PCDHGA3: variants seen among roughly 807,000 people sequenced by gnomAD.
The protein encoded by PCDHGA3 is protocadherin gamma-A3.
In PCDHGA3, 40 loss-of-function variants were observed where a neutral mutation model predicts 58.5. The ratio of observed to expected loss-of-function variants is 0.68; its 90% CI spans 0.53 to 0.89. PCDHGA3 has a LOEUF of 0.89. PCDHGA3 is among the 40% of genes least tolerant of loss of function. PCDHGA3 has a pLI of 0.00. For missense variants in PCDHGA3, 1,223 were observed against 1,195.9 expected, an observed-to-expected ratio of 1.02 and a Z score of -0.33; for synonymous variants, 530 against 525.7, an observed-to-expected ratio of 1.01 and a Z score of -0.11.
intron 1 of PCDHGA3, among the ~76,000 whole-genome samples, chr5:141,472,980 CAAAAA>C (rs60579131): frequency 1.2e-5 from 1 of 86,106 alleles, no homozygotes; most frequent in African/African-American, 3.9e-5. Flanking sequence ...GAGTGAAACT[CAAAAA>C]AAAAAAAAAA....
intron 1 of PCDHGA3, among the ~76,000 whole-genome samples, chr5:141,470,483 G>T (rs1163257164): frequency 6.6e-6 from 1 of 152,112 alleles, no homozygotes; most frequent in African/African-American, 2.4e-5. Context: ...CTAACCCTCT[G>T]GGAATAATAT....
At chr5:141,350,345 CA>C in intron 1 of PCDHGA3, 1 of 1,556,754 alleles carries the variant, frequency 6.4e-7, no homozygotes, top group African/African-American at 1.4e-5. Flanking sequence ...GGCCATCTCC[CA>C]GCAGATCCGA....
chr5:141,495,028 G>C, intron 2 of PCDHGA3, 163 bp downstream of exon 2: 3 of 966,196 alleles, frequency 3.1e-6, no homozygotes, highest in Non-Finnish European at 3.7e-6. Flanking sequence ...CACAGACCCC[G>C]GAAGGAAGAG....
intron 2 of PCDHGA3, among the ~76,000 whole-genome samples, chr5:141,497,642 C>T (rs1426920174): frequency 1.3e-5 from 2 of 151,352 alleles, no homozygotes; most frequent in Middle Eastern, 3.4e-3. Context: ...CAGGTTCAAG[C>T]GATTCTCCTG....
chr5:141,359,669 G>A (rs1417596414), intron 1 of PCDHGA3, among the ~76,000 whole-genome samples: 1 of 151,966 alleles, frequency 6.6e-6, no homozygotes, highest in Non-Finnish European at 1.5e-5. Flanking sequence ...ATAAAAATCC[G>A]TTGCCCTATA....
At chr5:141,422,420 C>A in intron 1 of PCDHGA3, 2 of 1,607,576 alleles carry the variant, frequency 1.2e-6, no homozygotes, top group Non-Finnish European at 1.7e-6. Context: ...TTAGAAAAGA[C>A]TTATGGAAAT....
intron 1 of PCDHGA3, chr5:141,370,692 T>G: frequency 6.2e-7 from 1 of 1,613,730 alleles, no homozygotes; most frequent in Non-Finnish European, 8.5e-7. Context: ...TGGCAAGAAG[T>G]CGACGTGTGT....
chr5:141,351,176 G>A (rs1758664342), intron 1 of PCDHGA3: 1 of 1,613,934 alleles, frequency 6.2e-7, no homozygotes, highest in Non-Finnish European at 8.5e-7. Context: ...ATTGGATTTT[G>A]AAGAGACAAG....
intron 1 of PCDHGA3, chr5:141,428,153 CT>C (rs2097116745): frequency 6.3e-7 from 1 of 1,581,370 alleles, no homozygotes; most frequent in Admixed American, 1.7e-5. Flanking sequence ...ACACGGGAAC[CT>C]GCTGGTTGCT....
rs780395794 is a variant in PCDHGA3, at chr5:141,489,685, G to A, written c.2425-5122G>A. ...GCGCATCTCAGAATCAGCAGCATCT[G>A]GGGCACGATTCCCACTGGACAGTGC... On this transcript the variant is annotated intron_variant, in intron 1 of 3. Coordinates refer to ENST00000253812, the MANE Select transcript of PCDHGA3 (RefSeq NM_018916.4). The surrounding 1 kb of genome is among the most constrained non-coding windows in gnomAD (Gnocchi z 4.5). 10 of 1,614,142 alleles carry A rather than the reference G, an allele frequency of 6.2e-6. No individual in the cohort carries two copies. The South Asian group carries it at 1.1e-4, about 18-fold the overall frequency.
chr5:141,355,171 A>G (rs1759739774), intron 1 of PCDHGA3: 1 of 1,572,286 alleles, frequency 6.4e-7, no homozygotes, highest in East Asian at 2.2e-5. Flanking sequence ...GGGAAAACCG[A>G]AGCACAGGCG....
At chr5:141,408,213 G>A in intron 1 of PCDHGA3, 1 of 1,554,970 alleles carries the variant, frequency 6.4e-7, no homozygotes, top group South Asian at 1.2e-5. Flanking sequence ...ATGGGAGGGA[G>A]CTGCGCGCAG....
chr5:141,389,205 G>A, intron 1 of PCDHGA3: 1 of 1,614,040 alleles, frequency 6.2e-7, no homozygotes, highest in Non-Finnish European at 8.5e-7. Flanking sequence ...CCTGCACATT[G>A]GTGATGTAAA....
At chr5:141,421,825 AG>A in intron 1 of PCDHGA3, 1 of 1,613,802 alleles carries the variant, frequency 6.2e-7, no homozygotes. Flanking sequence ...ACTGGAGGGA[AG>A]CCTGGACCGA....
rs748873655 is a variant in PCDHGA3 at position 141,410,002 on chromosome 5, C to A, written c.2424+63545C>A. The A allele has an allele frequency of 1.1e-5, 18 of 1,613,250 alleles. No individual in the cohort carries two copies. Among genetic ancestry groups the A allele is most frequent in the Middle Eastern group, 1.7e-4 (1 of 6,056 alleles). On this transcript the variant is annotated intron_variant, in intron 1 of 3. Coordinates refer to ENST00000253812, the MANE Select transcript of PCDHGA3 (RefSeq NM_018916.4). ...TAGCGGTGGACGCCGACTCGGGACA[C>A]AACGCCTGGCTGTCCTACCACGTGC...
rs563057370 is a variant in PCDHGA3 at position 141,491,297 on chromosome 5, A to G, written c.2425-3510A>G. 1.2e-6 allele frequency: 2 copies of G among 1,614,106 alleles called. No homozygotes were observed. Among genetic ancestry groups the G allele is most frequent in the African/African-American group, 2.7e-5 (2 of 75,038 alleles). On this transcript the variant is annotated intron_variant, in intron 1 of 3. Transcript: ENST00000253812. This position sits in a 1 kb window ranked among gnomAD's most constrained non-coding sequence, Gnocchi z 6.9. The stretch of plus-strand genomic sequence containing the variant: ...AGTGACTTCCTCATACACCCTCCTG[A>G]GCGTTCAGACCTTACCCTTTACCTC...
intron 1 of PCDHGA3, chr5:141,367,429 C>T (rs1303829786): frequency 6.6e-6 from 1 of 152,054 alleles, no homozygotes; most frequent in Non-Finnish European, 1.5e-5. Context: ...CCCAGCTACT[C>T]GGAAGGCTGA....
At chr5:141,430,680 C>G (rs990086941) in intron 1 of PCDHGA3, 8 of 1,343,124 alleles carry the variant, frequency 6.0e-6, no homozygotes, top group Non-Finnish European at 8.0e-6. Context: ...TCCCAACTGT[C>G]CCATTCTATG....
intron 1 of PCDHGA3, among the ~76,000 whole-genome samples, chr5:141,442,700 TA>T (rs2098337605): frequency 6.6e-6 from 1 of 152,198 alleles, no homozygotes; most frequent in Non-Finnish European, 1.5e-5. Flanking sequence ...CAGACAAGAG[TA>T]TCAGACATGC....
Sources: gnomAD v4.1 joint callset for allele counts (sites outside exome capture counted in the v4.1 genomes callset) on GRCh38, gnomAD v4.1.1 for gene constraint, Gnocchi (gnomAD v3.1) non-coding constraint, MANE v1.5 for transcripts, NCBI Gene and HGNC (gene_info 2026-07-23, HGNC 2026-07-21) for gene names.